Variants in TMBIM6 observed in about 807,000 individuals in gnomAD.
TMBIM6 encodes the protein transmembrane BAX inhibitor motif containing 6.
In TMBIM6, 13 loss-of-function variants were observed where a neutral mutation model predicts 31.4. That is an observed-to-expected ratio of 0.41 (90% CI 0.27 to 0.66). The LOEUF (loss-of-function observed/expected upper bound fraction) is 0.66, where lower values mean the gene tolerates loss of function less well. Ranked by LOEUF, TMBIM6 falls within the 30% of genes least tolerant of loss-of-function variation. The pLI, the probability that TMBIM6 is intolerant of heterozygous loss-of-function variation, is 0.28. For missense variants in TMBIM6, 275 were observed against 289.5 expected, an observed-to-expected ratio of 0.95 and a Z score of 0.36; for synonymous variants, 85 against 101.7, an observed-to-expected ratio of 0.84 and a Z score of 0.99.
At chr12:49,756,830 AG>A (rs1313363823) in intron 4 of TMBIM6, among the ~76,000 whole-genome samples, 1 of 150,700 alleles carries the variant, frequency 6.6e-6, no homozygotes, top group African/African-American at 2.4e-5. Flanking sequence ...TCCACCTCCC[AG>A]GTTCAAGCGA....
At chr12:49,754,878 T>C (rs909384965) in intron 3 of TMBIM6, among the ~76,000 whole-genome samples, 1 of 152,230 alleles carries the variant, frequency 6.6e-6, no homozygotes, top group Admixed American at 6.5e-5. Context: ...CAGAAATAAC[T>C]ACTGTTAACA....
chr12:49,764,099 G>T lies in TMBIM6; in HGVS notation c.*1203G>T, dbSNP rs757191414. The T allele has an allele frequency of 6.6e-6, 1 of 152,152 alleles. No individual in the cohort carries two copies. Among genetic ancestry groups the T allele is most frequent in the South Asian group, 2.1e-4 (1 of 4,832 alleles). The allele number at this position is 152,152 out of a possible 1,614,324, so 9.4% of individuals were successfully genotyped here. A position where few individuals can be genotyped will look rare whatever the true frequency, so the allele number is the denominator to read the frequency against. On this transcript the variant is annotated 3_prime_UTR_variant, in exon 10 of 10. Coordinates refer to ENST00000267115, the MANE Select transcript of TMBIM6 (RefSeq NM_003217.3). ...TCCAGAAATTTGTGGCCTTTTAGGC[G>T]GGAGTTAGGCGACCAAACCAGTGAG...
intron 1 of TMBIM6, among the ~76,000 whole-genome samples, chr12:49,746,414 G>GAGTACACCAGTAATAACAATGTT (rs1214131402): frequency 2.0e-5 from 3 of 152,256 alleles, no homozygotes; most frequent in South Asian, 2.1e-4. Context: ...TTGTAGTAAT[G>GAGTACACCAGTAATAACAATGTT]AGTACACCAG....
At chr12:49,762,807 C>T in intron 9 of TMBIM6, 66 bp from the exon 10 acceptor site, 12 of 1,498,702 alleles carry the variant, frequency 8.0e-6, no homozygotes, top group Non-Finnish European at 1.1e-5. Context: ...TAAATGCTCA[C>T]TCAAGAGTTT....
Position 49,741,597 on chromosome 12 carries a change from A to T in TMBIM6, c.-45A>T, listed in dbSNP as rs1175233887. 1 of 158,156 alleles carries T rather than the reference A, an allele frequency of 6.3e-6. No homozygotes were observed. Among genetic ancestry groups the T allele is most frequent in the Non-Finnish European group, 1.4e-5 (1 of 70,794 alleles). The allele number at this position is 158,156 out of a possible 1,614,324, so 9.8% of individuals were successfully genotyped here. A position where few individuals can be genotyped will look rare whatever the true frequency, so the allele number is the denominator to read the frequency against. Reference sequence around the variant, plus strand: ...TTAGAAGCGCTGGTAGGCCTTGGAGAGGCGGGTTAGGAAGGTACGTCTGAA... The same window carrying T: ...TTAGAAGCGCTGGTAGGCCTTGGAGTGGCGGGTTAGGAAGGTACGTCTGAA... On this transcript the variant is annotated 5_prime_UTR_variant, in exon 1 of 10. Transcript: ENST00000267115.
At chr12:49,754,591 G>T (rs1447539808) in intron 3 of TMBIM6, among the ~76,000 whole-genome samples, 1 of 152,242 alleles carries the variant, frequency 6.6e-6, no homozygotes, top group Middle Eastern at 3.4e-3. Context: ...AGGAACAAGG[G>T]TTTACTAATT....
intron 4 of TMBIM6, among the ~76,000 whole-genome samples, chr12:49,756,819 C>T (rs988200285): frequency 2.0e-5 from 3 of 151,994 alleles, no homozygotes; most frequent in South Asian, 2.1e-4. Flanking sequence ...TCACTGCAGC[C>T]TCCACCTCCC....
chr12:49,749,434 C>CTTTTTTTTTTTTTTTTTTTTTTT (rs1565918072), intron 1 of TMBIM6, among the ~76,000 whole-genome samples: 1 of 121,722 alleles, frequency 8.2e-6, no homozygotes, highest in African/African-American at 4.6e-5. Flanking sequence ...TTTTGTAAGT[C>CTTTTTTTTTTTTTTTTTTTTTTT]ATTTTTGTTT....
intron 1 of TMBIM6, chr12:49,742,526 CTG>C (rs1049475939): frequency 1.2e-4 from 47 of 407,346 alleles, no homozygotes; most frequent in African/African-American, 5.6e-4. Flanking sequence ...GAACTTGAGA[CTG>C]TGTTCTAGCA....
intron 4 of TMBIM6, among the ~76,000 whole-genome samples, chr12:49,757,607 C>G (rs1592730629): frequency 6.6e-6 from 1 of 152,052 alleles, no homozygotes; most frequent in South Asian, 2.1e-4. Context: ...GTCTAATATA[C>G]GTAGGAGAAA....
intron 4 of TMBIM6, among the ~76,000 whole-genome samples, chr12:49,757,942 G>T (rs1019943155): frequency 1.3e-5 from 2 of 151,818 alleles, no homozygotes; most frequent in Non-Finnish European, 2.9e-5. Context: ...GAAATGTTTG[G>T]CATGCCTACT....
intron 4 of TMBIM6, among the ~76,000 whole-genome samples, chr12:49,756,521 G>T (rs981998040): frequency 2.1e-5 from 3 of 144,604 alleles, no homozygotes; most frequent in African/African-American, 7.8e-5. Flanking sequence ...TCAGCTCATT[G>T]CAATCTCTGC....
chr12:49,752,699 C>A, intron 2 of TMBIM6, 150 bp downstream of exon 2: 1 of 732,136 alleles, frequency 1.4e-6, no homozygotes. Context: ...AAATTCTACA[C>A]GTTGCTGTGT....
chr12:49,743,861 G>A (rs563595660), intron 1 of TMBIM6, among the ~76,000 whole-genome samples: 121 of 151,408 alleles, frequency 8.0e-4, no homozygotes, highest in South Asian at 2.7e-3. Flanking sequence ...ACTTTCTAAT[G>A]TTGGTCAAAT....
At chr12:49,746,454 CAA>C (rs1251544700) in intron 1 of TMBIM6, among the ~76,000 whole-genome samples, 3 of 152,112 alleles carry the variant, frequency 2.0e-5, no homozygotes, top group Admixed American at 6.5e-5. Flanking sequence ...CCAGTAATAA[CAA>C]TGGTTACCAT....
Position 49,756,149 on chromosome 12 carries a change from T to G in TMBIM6, c.286+394T>G, listed in dbSNP as rs141810885. On this transcript the variant is annotated intron_variant, in intron 4 of 9. Coordinates refer to ENST00000267115, the MANE Select transcript of TMBIM6 (RefSeq NM_003217.3). Reference sequence around the variant, plus strand: ...TGCCTGGCCCTTTTTTTCCTTTTTTTTTGAGACAGTGTCTCCGTCTGTCAC... The same window carrying G: ...TGCCTGGCCCTTTTTTTCCTTTTTTGTTGAGACAGTGTCTCCGTCTGTCAC... 4.2e-3 allele frequency among the ~76,000 whole-genome samples: 645 copies of G among 151,842 alleles called. 4 individuals are homozygous for G. Among genetic ancestry groups the G allele is most frequent in the African/African-American group, 0.015 (612 of 41,364 alleles).
In TMBIM6 at chr12:49,764,722, A is replaced by AAAC. The variant is rs1945785212; in HGVS notation, c.*1826_*1827insAAC. 3 of 104,428 alleles carry AAAC rather than the reference A, an allele frequency of 2.9e-5. No homozygotes were observed. The highest frequency in any genetic ancestry group is 1.9e-4 in the African/African-American group (3 of 15,494). The allele number at this position is 104,428 out of a possible 1,614,324, so 6.5% of individuals were successfully genotyped here. A position where few individuals can be genotyped will look rare whatever the true frequency, so the allele number is the denominator to read the frequency against. On this transcript the variant is annotated 3_prime_UTR_variant, in exon 10 of 10. Transcript: ENST00000267115. ...AATGACAAGATATTAAAAAAAAAAA[A>AAAC]GAAAGAAAAAAAAAAAAACACCTAC... is the stretch of plus-strand genomic sequence containing the variant.
At position 49,758,411 on chromosome 12, in the gene TMBIM6, G is replaced by T. The variant is rs1945647700; in HGVS notation, c.364G>T (p.Ala122Ser). 1.9e-6 allele frequency: 3 copies of T among 1,614,170 alleles called. No homozygotes were observed. In the East Asian group the frequency reaches 6.7e-5, roughly 36 times the overall value. The change falls in exon 6 of 10, where the codon GCA becomes TCA. Residue 122 changes from alanine (A) to serine (S), a missense_variant. Physicochemically the swap from Ala to Ser is moderately conservative, Grantham distance 99 (BLOSUM62 1). Transcript: ENST00000267115. ...SILPTAFMGT[A>S]MIFTCFTLSA... Reference sequence around the variant, plus strand: ...CCTTCCCACTGCTTTCATGGGCACGGCAATGATCTTTACCTGCTTCACCCT... The same window carrying T: ...CCTTCCCACTGCTTTCATGGGCACGTCAATGATCTTTACCTGCTTCACCCT...
chr12:49,741,821 C>T, intron 1 of TMBIM6: 2 of 368,840 alleles, frequency 5.4e-6, no homozygotes, highest in East Asian at 6.9e-5. Context: ...AGTGCTGAAG[C>T]GGGGGTGGGG....
Sources: allele counts gnomAD v4.1 joint callset (sites outside exome capture counted in the v4.1 genomes callset), GRCh38; gene constraint gnomAD v4.1.1; transcripts MANE v1.5; gene names NCBI Gene and HGNC (gene_info 2026-07-23, HGNC 2026-07-21).